The following CACNA1A variants were observed in gnomAD, a reference collection of about 807,000 sequenced individuals.
CACNA1A encodes the protein voltage-dependent P/Q-type calcium channel subunit alpha-1A.
CACNA1A carries 57 observed loss-of-function variants against 262.4 expected under a neutral mutation model. That is an observed-to-expected ratio of 0.22 (90% confidence interval 0.18 to 0.27). CACNA1A has a LOEUF of 0.27. Among genes scored for constraint, CACNA1A ranks in the 10% least tolerant of loss-of-function variants. CACNA1A has a pLI of 1.00. For synonymous variants in CACNA1A, 1,431 were observed against 1,419.3 expected (o/e 1.01, Z -0.18); for missense variants, 2,526 against 3,562.8 (o/e 0.71, Z 7.41).
intron 3 of CACNA1A, among the ~76,000 whole-genome samples, chr19:13,377,330 T>G (rs2059437259): frequency 6.6e-6 from 1 of 151,984 alleles, no homozygotes; most frequent in Admixed American, 6.6e-5. Context: ...CTAATGGGCA[T>G]GTACAAGAAG....
Position 13,285,142 on chromosome 19 carries a change from T to C in CACNA1A, c.3618A>G (p.Glu1206=), listed in dbSNP as rs201236364. The change falls in exon 21 of 47, where the codon GAA becomes GAG. Residue 1206 remains glutamate (E), a synonymous_variant. Coordinates refer to ENST00000360228, the MANE Select transcript of CACNA1A (RefSeq NM_001127222.2). Reference sequence around the variant, plus strand: ...TAGGGCCGTCTTCCCCACGGTCGTCTTCCTCCTCCTCCTTCTTCTCTTCCT... The same window carrying C: ...TAGGGCCGTCTTCCCCACGGTCGTCCTCCTCCTCCTCCTTCTTCTCTTCCT... ...KKEEEKKEEE[E]DDRGEDGPKP... The C allele has an allele frequency of 2.2e-4, 353 of 1,613,894 alleles. No individual in the cohort carries two copies. Among genetic ancestry groups the C allele is most frequent in the Non-Finnish European group, 2.9e-4 (338 of 1,179,834 alleles).
intron 30 of CACNA1A, among the ~76,000 whole-genome samples, chr19:13,251,113 C>G (rs1312119867): frequency 7.5e-6 from 1 of 132,758 alleles, no homozygotes; most frequent in Non-Finnish European, 1.5e-5. Context: ...GCTTGGGCAA[C>G]AGAGCAAGAC....
rs369479680 is a variant in CACNA1A, at chr19:13,449,293, AAAC to A, written c.539+3580_539+3582del. 2.3e-4 allele frequency among the ~76,000 whole-genome samples: 35 copies of A among 151,840 alleles called. No individual in the cohort carries two copies. In the East Asian group the frequency reaches 3.7e-3, roughly 16 times the overall value. ...TTTATTAAAAAAACAAAAAAACAAA[AAAC>A]AACAACAACAACAAAAAACATTTTT... On this transcript the variant is annotated intron_variant, in intron 3 of 46. Coordinates refer to ENST00000360228, the MANE Select transcript of CACNA1A (RefSeq NM_001127222.2).
chr19:13,291,258 C>T (rs12608501), intron 19 of CACNA1A, among the ~76,000 whole-genome samples: 13,497 of 152,100 alleles, frequency 0.089, 774 homozygotes, highest in South Asian at 0.23. Context: ...CACACTCAGA[C>T]CCTGAGATCG....
intron 1 of CACNA1A, among the ~76,000 whole-genome samples, chr19:13,462,195 T>G (rs563454703): frequency 7.2e-5 from 11 of 152,316 alleles, no homozygotes; most frequent in African/African-American, 2.6e-4. Flanking sequence ...CTCATCTCAT[T>G]TCAAGCCTCC....
chr19:13,365,517 C>A (rs2059193487), intron 4 of CACNA1A, 48 bp from the exon 5 acceptor site: 1 of 1,552,826 alleles, frequency 6.4e-7, no homozygotes, highest in Non-Finnish European at 8.8e-7. Context: ...GCAAGTACCC[C>A]CAAACCCCGC....
At chr19:13,505,796 C>T in intron 1 of CACNA1A, 136 bp downstream of exon 1, 1 of 856,270 alleles carries the variant, frequency 1.2e-6, no homozygotes, top group Non-Finnish European at 1.9e-6. Context: ...CCCGGTGCCC[C>T]CTCTCCCAGC....
chr19:13,303,088 C>A (rs778704806), intron 17 of CACNA1A, among the ~76,000 whole-genome samples: 4 of 152,074 alleles, frequency 2.6e-5, no homozygotes, highest in Non-Finnish European at 4.4e-5. Flanking sequence ...AAGGTGGGGA[C>A]ATTTATTGGC....
In CACNA1A at chr19:13,434,894, A is replaced by G. The variant is rs9748967; in HGVS notation, c.539+17982T>C. On this transcript the variant is annotated intron_variant, in intron 3 of 46. Coordinates refer to ENST00000360228, the MANE Select transcript of CACNA1A (RefSeq NM_001127222.2). ...AGCCTTGACCTCCCAGGCTTAAGCAATCCTCCCACCTCACCCTCCTGAGTA... is the reference window on the plus strand; with the variant it reads ...AGCCTTGACCTCCCAGGCTTAAGCAGTCCTCCCACCTCACCCTCCTGAGTA... Among the ~76,000 whole-genome samples, 560 of 151,538 alleles carry G rather than the reference A, an allele frequency of 3.7e-3. 4 individuals carry two copies. Among genetic ancestry groups the G allele is most frequent in the African/African-American group, 0.012 (505 of 41,240 alleles).
At chr19:13,430,398 G>A (rs1335904171) in intron 3 of CACNA1A, among the ~76,000 whole-genome samples, 1 of 152,048 alleles carries the variant, frequency 6.6e-6, no homozygotes, top group Non-Finnish European at 1.5e-5. Flanking sequence ...GTAGAGACAG[G>A]GTTTCATCAT....
chr19:13,280,008 C>T (rs930068487), intron 22 of CACNA1A, among the ~76,000 whole-genome samples: 1 of 151,960 alleles, frequency 6.6e-6, no homozygotes, highest in African/African-American at 2.4e-5. Flanking sequence ...GGGGTTTCAC[C>T]ATGTTGGCCA....
At chr19:13,325,355 G>A (rs984152238) in intron 10 of CACNA1A, among the ~76,000 whole-genome samples, 1 of 152,064 alleles carries the variant, frequency 6.6e-6, no homozygotes, top group African/African-American at 2.4e-5. Flanking sequence ...GCTGGGCACT[G>A]TGGCATGCGC....
Position 13,456,263 on chromosome 19 carries a change from C to G in CACNA1A, c.294-1051G>C, listed in dbSNP as rs943756186. Among the ~76,000 whole-genome samples, 8 of 152,224 alleles carry G rather than the reference C, an allele frequency of 5.3e-5. No homozygotes were observed. In the East Asian group the frequency reaches 1.5e-3, roughly 29 times the overall value. Reference sequence around the variant, plus strand: ...AAAAAACAGATATGCTGGGCTTTATCAAAATTTAAACCTTTTGTGCATCAA... The same window carrying G: ...AAAAAACAGATATGCTGGGCTTTATGAAAATTTAAACCTTTTGTGCATCAA... On this transcript the variant is annotated intron_variant, in intron 1 of 46. Coordinates refer to ENST00000360228, the MANE Select transcript of CACNA1A (RefSeq NM_001127222.2).
In CACNA1A at chr19:13,212,494, T is replaced by C. The variant is rs2054851950; in HGVS notation, c.6079A>G (p.Ser2027Gly). The C allele has an allele frequency of 6.3e-6, 10 of 1,586,780 alleles. No homozygotes were observed. The highest frequency in any genetic ancestry group is 8.6e-6 in the Non-Finnish European group (10 of 1,166,654). The part of the protein sequence containing the change: ...LMAHESGLKE[S>G]PSWVTQRAQE... Reference sequence around the variant, plus strand: ...GCACGCTGGGTCACCCAGGACGGGCTCTCCTTGAGGCCGCTTTCGTGAGCC... The same window carrying C: ...GCACGCTGGGTCACCCAGGACGGGCCCTCCTTGAGGCCGCTTTCGTGAGCC... Residue 2027 changes from serine (S) to glycine (G), a missense_variant, in exon 42 of 47, where the codon AGC becomes GGC. This residue lies in a region of CACNA1A where 929 missense variants were observed against 868.1 expected (regional missense o/e 1.07). Coordinates refer to ENST00000360228, the MANE Select transcript of CACNA1A (RefSeq NM_001127222.2). The surrounding 1 kb of genome is among the most constrained non-coding windows in gnomAD (Gnocchi z 5.6).
rs144598702 is a variant in CACNA1A, at chr19:13,496,416, G to T, written c.293+9516C>A. Reference sequence around the variant, plus strand: ...CTAGAGACAGTATAGTTAGAGGAAGGGGAAGCTGTGGGGAGATTGGAGAGT... The same window carrying T: ...CTAGAGACAGTATAGTTAGAGGAAGTGGAAGCTGTGGGGAGATTGGAGAGT... On this transcript the variant is annotated intron_variant, in intron 1 of 46. Coordinates refer to ENST00000360228, the MANE Select transcript of CACNA1A (RefSeq NM_001127222.2). Among the ~76,000 whole-genome samples, 7 of 152,280 alleles carry T rather than the reference G, an allele frequency of 4.6e-5. No individual in the cohort carries two copies. In the East Asian group the frequency reaches 1.4e-3, roughly 29 times the overall value.
intron 1 of CACNA1A, among the ~76,000 whole-genome samples, chr19:13,500,225 T>C (rs913584843): frequency 3.3e-5 from 5 of 152,236 alleles, no homozygotes; most frequent in African/African-American, 9.6e-5. Flanking sequence ...AGGTACCTTT[T>C]CTCATTTGCT....
chr19:13,377,701 T>A (rs1415787670), intron 3 of CACNA1A, among the ~76,000 whole-genome samples: 2 of 152,116 alleles, frequency 1.3e-5, no homozygotes, highest in East Asian at 3.9e-4. Context: ...AAGAAGTAAT[T>A]CTCTATTTCA....
chr19:13,286,808 C>T lies in CACNA1A; in HGVS notation c.3248G>A (p.Gly1083Asp). ...LATAESAAPH[G>D]SLGHAGLPQS... is the part of the protein sequence containing the mutation. ...GGGCAGGCCGGCGTGGCCAAGGCTGCCGTGGGGAGCGGCCGACTCCGCGGT... is the reference window on the plus strand; with the variant it reads ...GGGCAGGCCGGCGTGGCCAAGGCTGTCGTGGGGAGCGGCCGACTCCGCGGT... The change falls in exon 20 of 47, where the codon GGC becomes GAC. Residue 1083 changes from glycine to aspartate, a missense_variant. By Grantham distance (94) the Gly-to-Asp change is moderately conservative. Around this residue, in one of 17 missense-constraint regions of CACNA1A, gnomAD observed 765 missense variants for 748.6 expected, o/e 1.02. Transcript: ENST00000360228. 7.4e-6 allele frequency: 12 copies of T among 1,613,266 alleles called. No individual in the cohort carries two copies. The highest frequency in any genetic ancestry group is 1.0e-5 in the Non-Finnish European group (12 of 1,179,728).
chr19:13,246,672 C>T (rs992139569), intron 30 of CACNA1A, among the ~76,000 whole-genome samples: 1 of 152,012 alleles, frequency 6.6e-6, no homozygotes, highest in African/African-American at 2.4e-5. Flanking sequence ...GTCGCCCAGG[C>T]TGGAGTGCAG....
Sources: gnomAD v4.1 joint callset for allele counts (sites outside exome capture counted in the v4.1 genomes callset) on GRCh38, gnomAD v4.1.1 for gene constraint, gnomAD v4.1.1 regional missense constraint, Gnocchi (gnomAD v3.1) non-coding constraint, MANE v1.5 for transcripts, NCBI Gene and HGNC (gene_info 2026-07-23, HGNC 2026-07-21) for gene names.